TACC2: variants seen among roughly 807,000 people sequenced by gnomAD.
TACC2 encodes the protein transforming acidic coiled-coil-containing protein 2.
A neutral mutation model predicts 227.3 loss-of-function variants in TACC2; 137 were observed. That is an observed-to-expected ratio of 0.60 (90% CI 0.52 to 0.69). TACC2 has a LOEUF of 0.69. TACC2 is among the 30% of genes least tolerant of loss of function. The pLI is 0.00. For missense variants in TACC2, 3,470 were observed against 3,694.4 expected (o/e 0.94, Z 1.57); for synonymous variants, 1,523 against 1,487.5 (o/e 1.02, Z -0.55).
chr10:122,050,626 C>A lies in TACC2; in HGVS notation c.146+76C>A. On this transcript the variant is annotated intron_variant, in intron 3 of 22. Transcript: ENST00000369005. The surrounding 1 kb of genome is among the most constrained non-coding windows in gnomAD (Gnocchi z 4.6). ...ATTGCCTGCTCCAGCATTAGCTTTG[C>A]CCCATTTGCTTTGGAAACTGGACCC... The A allele has an allele frequency of 1.6e-6, 2 of 1,230,142 alleles. No individual in the cohort carries two copies. Among genetic ancestry groups the A allele is most frequent in the Non-Finnish European group, 1.2e-6 (1 of 851,100 alleles). 76.2% of individuals were successfully genotyped at this position (1,230,142 alleles called of 1,614,324 possible).
At chr10:122,228,053 G>A (rs746372962) in intron 14 of TACC2, 45 bp downstream of exon 14, 3 of 1,576,508 alleles carry the variant, frequency 1.9e-6, no homozygotes, top group Non-Finnish European at 2.6e-6. Context: ...ATGAGGTGTG[G>A]GCCAGCTGCG....
chr10:122,178,384 A>C (rs572732778), intron 7 of TACC2, among the ~76,000 whole-genome samples: 6 of 151,322 alleles, frequency 4.0e-5, no homozygotes, highest in South Asian at 2.1e-4. Flanking sequence ...TCACAGGCAC[A>C]CACCACCACA....
chr10:122,199,270 G>C (rs534134631), intron 8 of TACC2, among the ~76,000 whole-genome samples: 70 of 152,226 alleles, frequency 4.6e-4, no homozygotes, highest in Non-Finnish European at 7.6e-4. Flanking sequence ...CAGTGTCCTC[G>C]CCAGGCACTC....
At chr10:122,233,723 C>T (rs1411154442) in intron 16 of TACC2, among the ~76,000 whole-genome samples, 2 of 152,114 alleles carry the variant, frequency 1.3e-5, no homozygotes, top group African/African-American at 2.4e-5. Flanking sequence ...AGGACCAGCT[C>T]GCGAGCGCCT....
At position 122,249,466 on chromosome 10, in the gene TACC2, C is replaced by T; in HGVS notation, c.8661-78C>T. The T allele has an allele frequency of 7.7e-6, 12 of 1,564,794 alleles. No homozygotes were observed. In the South Asian group the frequency reaches 1.2e-4, roughly 16 times the overall value. On this transcript the variant is annotated intron_variant, in intron 21 of 22. Transcript: ENST00000369005. ...CTGGGGCCAGACCAGGCCACTCTCC[C>T]TGCCTGGACCTGGGAAGCAGGAGGT...
intron 1 of TACC2, among the ~76,000 whole-genome samples, chr10:122,015,580 A>G (rs950877230): frequency 6.6e-6 from 1 of 150,452 alleles, no homozygotes; most frequent in East Asian, 2.0e-4. Flanking sequence ...GGCTGGGCAC[A>G]GTGTTTCATG....
intron 5 of TACC2, among the ~76,000 whole-genome samples, chr10:122,108,448 T>C (rs1200813414): frequency 2.1e-5 from 3 of 143,628 alleles, no homozygotes; most frequent in Non-Finnish European, 3.0e-5. Context: ...TTTTCTTTTT[T>C]TTTTTTTTTT....
At chr10:122,030,913 AG>A (rs1428536521) in intron 2 of TACC2, among the ~76,000 whole-genome samples, 6 of 151,962 alleles carry the variant, frequency 3.9e-5, no homozygotes, top group Non-Finnish European at 8.8e-5. Context: ...ACCCAAACTC[AG>A]CTTCTGCCTC....
At chr10:122,007,088 C>T (rs1565050401) in intron 1 of TACC2, among the ~76,000 whole-genome samples, 1 of 152,074 alleles carries the variant, frequency 6.6e-6, no homozygotes, top group Non-Finnish European at 1.5e-5. Flanking sequence ...TCTCAAACTC[C>T]CGACCTTAGG....
At position 122,143,808 on chromosome 10, in the gene TACC2, C is replaced by T; in HGVS notation, c.5834+102C>T. The T allele has an allele frequency of 3.0e-6, 4 of 1,349,424 alleles. No individual in the cohort carries two copies. In the South Asian group the frequency reaches 5.6e-5, roughly 19 times the overall value. 83.6% of individuals were successfully genotyped at this position (1,349,424 alleles called of 1,614,324 possible). The stretch of plus-strand genomic sequence containing the variant: ...GGGTGAGCCGCATTTAGGATGGTAA[C>T]AAGGTGGTGACCATTTGGCCCCGTG... On this transcript the variant is annotated intron_variant, in intron 7 of 22. Coordinates refer to ENST00000369005, the MANE Select transcript of TACC2 (RefSeq NM_206862.4).
At chr10:122,184,685 C>T (rs1191794575) in intron 7 of TACC2, among the ~76,000 whole-genome samples, 1 of 152,204 alleles carries the variant, frequency 6.6e-6, no homozygotes, top group Non-Finnish European at 1.5e-5. Flanking sequence ...GTGTGTGTGT[C>T]TGTACATAGA....
At chr10:122,042,040 G>C (rs2074349529) in intron 2 of TACC2, among the ~76,000 whole-genome samples, 1 of 152,192 alleles carries the variant, frequency 6.6e-6, no homozygotes, top group African/African-American at 2.4e-5. Context: ...CCACCTCCCA[G>C]GTTCACGCCA....
chr10:122,176,460 G>T (rs1175729818), intron 7 of TACC2, among the ~76,000 whole-genome samples: 1 of 152,156 alleles, frequency 6.6e-6, no homozygotes, highest in East Asian at 1.9e-4. Context: ...CCACAGGGGA[G>T]TTGTTGGGAA....
chr10:122,149,892 G>A (rs1326116685), intron 7 of TACC2, among the ~76,000 whole-genome samples: 1 of 152,196 alleles, frequency 6.6e-6, no homozygotes, highest in Non-Finnish European at 1.5e-5. Flanking sequence ...CTGGGTCCGG[G>A]GCAGACTGAG....
intron 3 of TACC2, among the ~76,000 whole-genome samples, chr10:122,073,126 A>AAAAAAAATATAT (rs1383487943): frequency 4.2e-5 from 3 of 71,012 alleles, no homozygotes; most frequent in African/African-American, 6.2e-5. Context: ...AAAAAAAAAA[A>AAAAAAAATATAT]ATATATATAT....
chr10:122,195,508 C>T (rs1043286262), intron 8 of TACC2, among the ~76,000 whole-genome samples: 1 of 152,212 alleles, frequency 6.6e-6, no homozygotes, highest in South Asian at 2.1e-4. Context: ...TGTGGACAGG[C>T]CTGTGAATCT....
At chr10:122,058,274 G>A (rs2076408653) in intron 3 of TACC2, among the ~76,000 whole-genome samples, 2 of 152,174 alleles carry the variant, frequency 1.3e-5, no homozygotes, top group South Asian at 4.1e-4. Flanking sequence ...TACTTCGCCT[G>A]TTCAGCATAA....
At chr10:122,012,418 C>CAAAAAAAAAAATAAAAAAA (rs1956056525) in intron 1 of TACC2, among the ~76,000 whole-genome samples, 1 of 60,726 alleles carries the variant, frequency 1.6e-5, no homozygotes, top group Non-Finnish European at 2.9e-5. Flanking sequence ...GACTCCGTCT[C>CAAAAAAAAAAATAAAAAAA]AAAAAAAAAA....
intron 2 of TACC2, among the ~76,000 whole-genome samples, chr10:122,038,905 G>T (rs935490836): frequency 6.6e-5 from 10 of 152,216 alleles, no homozygotes; most frequent in African/African-American, 2.2e-4. Context: ...TTTTGCAGGT[G>T]GGGGAAGTGA....
Sources: allele counts gnomAD v4.1 joint callset (sites outside exome capture counted in the v4.1 genomes callset), GRCh38; gene constraint gnomAD v4.1.1; non-coding constraint Gnocchi (gnomAD v3.1); transcripts MANE v1.5; gene names NCBI Gene and HGNC (gene_info 2026-07-23, HGNC 2026-07-21).